CAMK4: variants seen among roughly 807,000 people sequenced by gnomAD.
CAMK4 encodes calcium/calmodulin-dependent protein kinase type IV.
A neutral mutation model predicts 44.9 loss-of-function variants in CAMK4; 22 were observed. The observed-to-expected ratio is 0.49, with a 90% CI of 0.35 to 0.70. The LOEUF is 0.70. Among genes scored for constraint, CAMK4 ranks in the 30% least tolerant of loss-of-function variants. CAMK4 has a pLI of 0.01. For synonymous variants in CAMK4, 218 were observed against 215.4 expected (o/e 1.01, Z -0.11); for missense variants, 498 against 586.8 (o/e 0.85, Z 1.56).
intron 4 of CAMK4, among the ~76,000 whole-genome samples, chr5:111,382,167 T>C (rs1245938991): frequency 6.6e-6 from 1 of 152,168 alleles, no homozygotes; most frequent in Non-Finnish European, 1.5e-5. Context: ...TTTTTTGAGG[T>C]ATTATTATCC....
At chr5:111,357,375 G>C (rs1301817626) in intron 2 of CAMK4, among the ~76,000 whole-genome samples, 1 of 152,126 alleles carries the variant, frequency 6.6e-6, no homozygotes, top group East Asian at 1.9e-4. Flanking sequence ...AGAGCTGAGA[G>C]AGCCAGAAGG....
chr5:111,460,277 T>C (rs543156914), intron 7 of CAMK4, among the ~76,000 whole-genome samples: 2 of 144,034 alleles, frequency 1.4e-5, no homozygotes, highest in East Asian at 2.0e-4. Flanking sequence ...TTTTCTTTTT[T>C]TTTTTTTTGA....
At chr5:111,289,091 A>G (rs1280793578) in intron 1 of CAMK4, among the ~76,000 whole-genome samples, 2 of 152,200 alleles carry the variant, frequency 1.3e-5, no homozygotes, top group Non-Finnish European at 2.9e-5. Flanking sequence ...TCATGCCTGT[A>G]ATCCCAGCAC....
chr5:111,484,184 C>A lies in CAMK4; in HGVS notation c.1140C>A (p.Gly380=). 6.2e-7 allele frequency: 1 copy of A among 1,614,000 alleles called. No homozygotes were observed. Among genetic ancestry groups the A allele is most frequent in the Non-Finnish European group, 8.5e-7 (1 of 1,179,958 alleles). ...TTCCAGAAGGAGAGAAAATTCAAGG[C>A]GATGGGGCCCAAGCCGCAGTTAAGG... ...KAIPEGEKIQ[G]DGAQAAVKGA... is the part of the protein sequence containing the mutation. Residue 380 remains glycine (G), a synonymous_variant, in exon 11 of 11, where the codon GGC becomes GGA. Transcript: ENST00000282356. The surrounding 1 kb of genome is among the most constrained non-coding windows in gnomAD (Gnocchi z 5.3).
At chr5:111,343,763 T>A (rs1749745696) in intron 1 of CAMK4, among the ~76,000 whole-genome samples, 1 of 151,752 alleles carries the variant, frequency 6.6e-6, no homozygotes, top group Non-Finnish European at 1.5e-5. Flanking sequence ...CTCAATGCAG[T>A]AGCCCTAGTT....
At chr5:111,421,613 A>G (rs949494641) in intron 5 of CAMK4, among the ~76,000 whole-genome samples, 2 of 152,150 alleles carry the variant, frequency 1.3e-5, no homozygotes, top group African/African-American at 4.8e-5. Flanking sequence ...GTATTTAGTC[A>G]AGTAGTTATT....
chr5:111,289,552 A>G (rs553947692), intron 1 of CAMK4, among the ~76,000 whole-genome samples: 3 of 152,338 alleles, frequency 2.0e-5, no homozygotes, highest in Admixed American at 6.5e-5. Flanking sequence ...AATTGTTGCA[A>G]GTAATCTCAA....
At position 111,484,887 on chromosome 5, in the gene CAMK4, T is replaced by C. The variant is rs1396275630; in HGVS notation, c.*421T>C. On this transcript the variant is annotated 3_prime_UTR_variant, in exon 11 of 11. Transcript: ENST00000282356. The surrounding 1 kb of genome is among the most constrained non-coding windows in gnomAD (Gnocchi z 5.3). ...ATACTAGGTAGTGCTAAAAGACATG[T>C]TCCCATAACTTTTACAACATTTTAC... The C allele has an allele frequency of 6.5e-6, 1 of 154,130 alleles. No individual in the cohort carries two copies. The highest frequency in any genetic ancestry group is 1.4e-5 in the Non-Finnish European group (1 of 69,426). 9.5% of individuals were successfully genotyped at this position (154,130 alleles called of 1,614,324 possible). A position where few individuals can be genotyped will look rare whatever the true frequency, so the allele number is the denominator to read the frequency against.
chr5:111,425,327 A>T (rs553171358), intron 5 of CAMK4, among the ~76,000 whole-genome samples: 104 of 152,352 alleles, frequency 6.8e-4, no homozygotes, highest in Non-Finnish European at 1.2e-3. Flanking sequence ...CGTAAAATAT[A>T]GTGCAGCCCC....
intron 1 of CAMK4, among the ~76,000 whole-genome samples, chr5:111,326,664 G>A (rs1313328661): frequency 2.1e-5 from 3 of 142,972 alleles, no homozygotes; most frequent in African/African-American, 8.1e-5. Context: ...GTCTCTCTGT[G>A]TGTGTGTAAA....
At chr5:111,432,148 A>G (rs1253540906) in intron 5 of CAMK4, among the ~76,000 whole-genome samples, 6 of 152,202 alleles carry the variant, frequency 3.9e-5, no homozygotes, top group East Asian at 1.9e-4. Flanking sequence ...TGTGGTACAT[A>G]TACACAATGG....
chr5:111,299,373 T>C (rs1747625100), intron 1 of CAMK4, among the ~76,000 whole-genome samples: 1 of 152,128 alleles, frequency 6.6e-6, no homozygotes, highest in East Asian at 1.9e-4. Flanking sequence ...AATAAAGGCA[T>C]GTCGAAACTC....
rs970261689 is a variant in CAMK4 at position 111,450,162 on chromosome 5, A to T, written c.625+959A>T. On this transcript the variant is annotated intron_variant, in intron 7 of 10. Transcript: ENST00000282356. ...GGTAAAACCCTATCTCTACTAAAAA[A>T]AAATAAATAAAATAAAAATTAGCCA... 5.9e-5 allele frequency among the ~76,000 whole-genome samples: 9 copies of T among 151,860 alleles called. No homozygotes were observed. In the South Asian group the frequency reaches 6.2e-4, roughly 11 times the overall value.
At chr5:111,327,229 A>G (rs1382402096) in intron 1 of CAMK4, among the ~76,000 whole-genome samples, 7 of 149,100 alleles carry the variant, frequency 4.7e-5, no homozygotes, top group Middle Eastern at 3.5e-3. Context: ...TCGTTGTTCA[A>G]TTCCCACCTA....
intron 1 of CAMK4, among the ~76,000 whole-genome samples, chr5:111,308,742 C>A (rs1028195436): frequency 1.3e-5 from 2 of 152,116 alleles, no homozygotes; most frequent in Non-Finnish European, 2.9e-5. Context: ...ATTACCGGAG[C>A]TTTAGCCCTA....
Position 111,290,580 on chromosome 5 carries a change from C to T in CAMK4, c.162-53444C>T, listed in dbSNP as rs185671577. 2.4e-4 allele frequency among the ~76,000 whole-genome samples: 37 copies of T among 152,258 alleles called. No individual in the cohort carries two copies. The East Asian group carries it at 4.3e-3, about 18-fold the overall frequency. On this transcript the variant is annotated intron_variant, in intron 1 of 10. Transcript: ENST00000282356. This position sits in a 1 kb window ranked among gnomAD's most constrained non-coding sequence, Gnocchi z 4.5. The stretch of plus-strand genomic sequence containing the variant: ...GAACCATCCATCAGAGGCCAGGATG[C>T]GGGGCAGAGCCAAGGGGAACGTTTT...
chr5:111,392,250 G>A lies in CAMK4; in HGVS notation c.387-2460G>A, dbSNP rs548898589. Among the ~76,000 whole-genome samples the A allele has an allele frequency of 4.6e-5, 7 of 152,206 alleles. No individual in the cohort carries two copies. The South Asian group carries it at 6.2e-4, about 14-fold the overall frequency. ...TCTCAAGAAACTTAACTATCATGAC[G>A]GAAGGTGAAGGGGAAGCAAGTCACA... On this transcript the variant is annotated intron_variant, in intron 4 of 10. Transcript: ENST00000282356.
intron 5 of CAMK4, among the ~76,000 whole-genome samples, chr5:111,397,556 T>C (rs1009838768): frequency 6.6e-6 from 1 of 152,148 alleles, no homozygotes; most frequent in African/African-American, 2.4e-5. Context: ...TTTCTATTCA[T>C]ATATTACACC....
intron 1 of CAMK4, among the ~76,000 whole-genome samples, chr5:111,289,335 G>C (rs973987851): frequency 6.6e-6 from 1 of 152,160 alleles, no homozygotes; most frequent in Non-Finnish European, 1.5e-5. Context: ...AAGAAAGAGT[G>C]AGACTCCGTC....
Sources: gnomAD v4.1 joint callset for allele counts (sites outside exome capture counted in the v4.1 genomes callset) on GRCh38, gnomAD v4.1.1 for gene constraint, Gnocchi (gnomAD v3.1) non-coding constraint, MANE v1.5 for transcripts, NCBI Gene and HGNC (gene_info 2026-07-23, HGNC 2026-07-21) for gene names.